TYR: variants seen among roughly 807,000 people sequenced by gnomAD.
TYR encodes LB24-AB.
Under a neutral mutation model 51.5 loss-of-function variants are expected in TYR, and 58 were observed. The observed-to-expected ratio is 1.13, with a 90% CI of 0.91 to 1.40. TYR has a LOEUF of 1.40. TYR is among the 40% of genes most tolerant of loss of function. TYR has a pLI of 0.00. For missense variants in TYR, 732 were observed against 647.4 expected (o/e 1.13, Z -1.42); for synonymous variants, 263 against 235.2 (o/e 1.12, Z -1.08).
chr11:89,197,326 A>G (rs1197962600), intron 2 of TYR, among the ~76,000 whole-genome samples: 4 of 152,154 alleles, frequency 2.6e-5, no homozygotes, highest in Admixed American at 6.6e-5. Context: ...GCCTCTAGGA[A>G]TATGTTCACA....
At chr11:89,208,266 T>C (rs770184706) in intron 2 of TYR, among the ~76,000 whole-genome samples, 1 of 152,170 alleles carries the variant, frequency 6.6e-6, no homozygotes, top group Non-Finnish European at 1.5e-5. Context: ...CAAGACTCCG[T>C]CTCAAGAAAA....
chr11:89,282,299 C>A (rs1241951722), intron 3 of TYR, among the ~76,000 whole-genome samples: 1 of 151,752 alleles, frequency 6.6e-6, no homozygotes, highest in Non-Finnish European at 1.5e-5. Flanking sequence ...TCAGGCTGTT[C>A]CCAAATCAGT....
chr11:89,190,249 C>T (rs1029458892), intron 1 of TYR, among the ~76,000 whole-genome samples: 3 of 151,976 alleles, frequency 2.0e-5, no homozygotes, highest in African/African-American at 7.3e-5. Flanking sequence ...CCACAAAACG[C>T]CTGGATGTTT....
chr11:89,252,093 A>C (rs532382606), intron 3 of TYR, among the ~76,000 whole-genome samples: 17 of 151,864 alleles, frequency 1.1e-4, no homozygotes, highest in Non-Finnish European at 1.9e-4. Flanking sequence ...TTCTATGAGT[A>C]AGGAAGATAT....
Position 89,233,574 on chromosome 11 carries a change from T to A in TYR, c.1184+5604T>A, listed in dbSNP as rs1428413372. Among the ~76,000 whole-genome samples the A allele has an allele frequency of 1.4e-5, 2 of 141,526 alleles. 1 individual carries two copies. The highest frequency in any genetic ancestry group is 4.1e-4 in the East Asian group (2 of 4,932). 92.8% of individuals were successfully genotyped at this position (141,526 alleles called of 152,430 possible). A position where few individuals can be genotyped will look rare whatever the true frequency, so the allele number is the denominator to read the frequency against. ...ATATAGCCTTACAAAATATACTTCT[T>A]AAATAAGATTTGAAAGTCCAGATTA... On this transcript the variant is annotated intron_variant, in intron 3 of 4. Coordinates refer to ENST00000263321, the MANE Select transcript of TYR (RefSeq NM_000372.5).
chr11:89,192,002 T>C, intron 2 of TYR: 1 of 452,208 alleles, frequency 2.2e-6, no homozygotes, highest in Non-Finnish European at 4.4e-6. Context: ...TTCTCCTGTT[T>C]AAAATATTCT....
At chr11:89,286,281 A>G (rs566956993) in intron 4 of TYR, among the ~76,000 whole-genome samples, 74 of 151,900 alleles carry the variant, frequency 4.9e-4, no homozygotes, top group Non-Finnish European at 9.7e-4. Context: ...GAGGTGGAAA[A>G]TGTACAGCAT....
At chr11:89,244,128 G>C (rs1463170481) in intron 3 of TYR, among the ~76,000 whole-genome samples, 2 of 152,054 alleles carry the variant, frequency 1.3e-5, no homozygotes, top group Non-Finnish European at 2.9e-5. Flanking sequence ...AAACTGCACA[G>C]ATAAATAAGC....
intron 2 of TYR, among the ~76,000 whole-genome samples, chr11:89,212,860 G>T (rs1943779084): frequency 6.6e-6 from 1 of 152,152 alleles, no homozygotes; most frequent in East Asian, 1.9e-4. Context: ...CTCCATAGAT[G>T]CAGAAAAGGC....
intron 3 of TYR, among the ~76,000 whole-genome samples, chr11:89,247,219 C>T (rs1944278269): frequency 6.6e-6 from 1 of 152,152 alleles, no homozygotes; most frequent in Admixed American, 6.5e-5. Context: ...CCATCTCTCC[C>T]ACTAAATCAT....
At position 89,284,881 on chromosome 11, in the gene TYR, A is replaced by G. The variant is rs1230466367; in HGVS notation, c.1293A>G (p.Pro431=). ...NRESYMVPFI[P]LYRNGDFFIS... ...AATCCTACATGGTTCCTTTTATACC[A>G]CTGTACAGAAATGGTGATTTCTTTA... Residue 431 remains proline (P), a synonymous_variant, in exon 4 of 5, where the codon CCA becomes CCG. Transcript: ENST00000263321. 6.8e-6 allele frequency: 11 copies of G among 1,611,702 alleles called. No individual in the cohort carries two copies. Among genetic ancestry groups the G allele is most frequent in the Non-Finnish European group, 9.3e-6 (11 of 1,178,498 alleles).
chr11:89,256,212 A>G (rs1411236523), intron 3 of TYR, among the ~76,000 whole-genome samples: 3 of 151,850 alleles, frequency 2.0e-5, no homozygotes, highest in South Asian at 4.1e-4. Context: ...TGAAAAACTT[A>G]CAAATATTTT....
intron 3 of TYR, among the ~76,000 whole-genome samples, chr11:89,252,973 T>C (rs1477822176): frequency 1.3e-5 from 2 of 151,798 alleles, no homozygotes; most frequent in East Asian, 1.9e-4. Context: ...AAGTGGTAAA[T>C]TGAATCACAA....
At chr11:89,223,392 AT>A (rs1459342149) in intron 2 of TYR, among the ~76,000 whole-genome samples, 1 of 151,840 alleles carries the variant, frequency 6.6e-6, no homozygotes, top group African/African-American at 2.4e-5. Flanking sequence ...AATTATTTCT[AT>A]TTTTTTTCAA....
intron 3 of TYR, among the ~76,000 whole-genome samples, chr11:89,270,203 G>A (rs773160381): frequency 7.2e-5 from 11 of 151,894 alleles, no homozygotes; most frequent in South Asian, 2.1e-4. Context: ...TCCCAGAAGC[G>A]TAATTCTTTT....
At chr11:89,192,927 T>C (rs1054119243) in intron 2 of TYR, among the ~76,000 whole-genome samples, 4 of 152,156 alleles carry the variant, frequency 2.6e-5, no homozygotes, top group Non-Finnish European at 5.9e-5. Context: ...TGCCCCCAGC[T>C]TTATCAAGTA....
intron 2 of TYR, among the ~76,000 whole-genome samples, chr11:89,216,226 G>A (rs183739439): frequency 3.9e-5 from 6 of 152,188 alleles, no homozygotes; most frequent in Admixed American, 3.9e-4. Context: ...ATTTATAGGT[G>A]AAATACTTAA....
At position 89,178,713 on chromosome 11, in the gene TYR, G is replaced by A. The variant is rs199500520; in HGVS notation, c.760G>A (p.Gly254Ser). 13 of 1,613,938 alleles carry A rather than the reference G, an allele frequency of 8.1e-6. No homozygotes were observed. The highest frequency in any genetic ancestry group is 6.7e-5 in the Admixed American group (4 of 60,002). Residue 254 changes from glycine to serine, a missense_variant, in exon 1 of 5, where the codon GGT becomes AGT. Transcript: ENST00000263321. ...CATTTGCACAGATGAGTACATGGGAGGTCAGCACCCCACAAATCCTAACTT... is the reference window on the plus strand; with the variant it reads ...CATTTGCACAGATGAGTACATGGGAAGTCAGCACCCCACAAATCCTAACTT... ...CDICTDEYMG[G>S]QHPTNPNLLS...
At chr11:89,211,238 G>C (rs1286879556) in intron 2 of TYR, among the ~76,000 whole-genome samples, 1 of 152,080 alleles carries the variant, frequency 6.6e-6, no homozygotes, top group African/African-American at 2.4e-5. Flanking sequence ...GACACACATA[G>C]GCTCAAAATA....
Sources: allele counts gnomAD v4.1 joint callset (sites outside exome capture counted in the v4.1 genomes callset), GRCh38; gene constraint gnomAD v4.1.1; transcripts MANE v1.5; gene names NCBI Gene and HGNC (gene_info 2026-07-23, HGNC 2026-07-21).